SLC38A9: variants seen among roughly 807,000 people sequenced by gnomAD.
The protein encoded by SLC38A9 is solute carrier family 38 member 9.
A neutral mutation model predicts 62.3 loss-of-function variants in SLC38A9; 48 were observed. That is an observed-to-expected ratio of 0.77 (90% CI 0.61 to 0.98). The LOEUF is 0.98. Among genes scored for constraint, SLC38A9 ranks in the 50% least tolerant of loss-of-function variants. The pLI is 0.00. For synonymous variants in SLC38A9, 204 were observed against 227.7 expected, an observed-to-expected ratio of 0.90 and a Z score of 0.94; for missense variants, 541 against 679.8, an observed-to-expected ratio of 0.80 and a Z score of 2.27.
At chr5:55,663,534 G>A (rs1004898657) in intron 8 of SLC38A9, among the ~76,000 whole-genome samples, 42 of 151,898 alleles carry the variant, frequency 2.8e-4, no homozygotes, top group African/African-American at 1.0e-3. Flanking sequence ...TCAGGAGATC[G>A]AGAACAGCCT....
At chr5:55,652,750 G>C (rs1474928532) in intron 9 of SLC38A9, 27 bp from the exon 10 acceptor site, 4 of 1,557,356 alleles carry the variant, frequency 2.6e-6, no homozygotes, top group Non-Finnish European at 2.6e-6. Context: ...CCAGATTAAA[G>C]AAGATGACAA....
chr5:55,669,850 T>G lies in SLC38A9; in HGVS notation c.276A>C (p.Pro92=), dbSNP rs1314089560. The G allele has an allele frequency of 6.2e-7, 1 of 1,611,666 alleles. No homozygotes were observed. The highest frequency in any genetic ancestry group is 2.2e-5 in the East Asian group (1 of 44,874). ...LIAPDHVVPA[P]EECYVYSPLG... ...ATGGACTATACACATAGCACTCTTC[T>G]GGAGCTGGAACTACATGGTCTGGGG... The change falls in exon 5 of 16, where the codon CCA becomes CCC. Residue 92 remains proline, a synonymous_variant. Coordinates refer to ENST00000396865, the MANE Select transcript of SLC38A9 (RefSeq NM_173514.4).
intron 7 of SLC38A9, among the ~76,000 whole-genome samples, chr5:55,665,926 G>A (rs1750387434): frequency 6.6e-6 from 1 of 152,086 alleles, no homozygotes; most frequent in Non-Finnish European, 1.5e-5. Flanking sequence ...TCCCACCACT[G>A]CACCAAAAAG....
chr5:55,627,849 G>T, intron 15 of SLC38A9, 42 bp downstream of exon 15: 1 of 1,212,776 alleles, frequency 8.2e-7, no homozygotes, highest in South Asian at 1.3e-5. Context: ...TGAAAATAAA[G>T]ACCAATATAT....
At chr5:55,677,413 T>C (rs1042465493) in intron 3 of SLC38A9, among the ~76,000 whole-genome samples, 2 of 152,192 alleles carry the variant, frequency 1.3e-5, no homozygotes, top group Admixed American at 6.6e-5. Flanking sequence ...ATGACACCTC[T>C]CAAGTAATCA....
intron 2 of SLC38A9, among the ~76,000 whole-genome samples, chr5:55,710,675 G>A (rs910326584): frequency 6.6e-6 from 1 of 151,796 alleles, no homozygotes; most frequent in African/African-American, 2.4e-5. Context: ...GAGTGCGGTG[G>A]CACGATCTCA....
At chr5:55,652,409 G>C in intron 10 of SLC38A9, 120 bp downstream of exon 10, 2 of 342,294 alleles carry the variant, frequency 5.8e-6, no homozygotes, top group Non-Finnish European at 1.0e-5. Context: ...AAAAACGAAT[G>C]AACAAATTAA....
chr5:55,628,134 G>C (rs1742793542), intron 14 of SLC38A9, among the ~76,000 whole-genome samples, 154 bp from the exon 15 acceptor site: 1 of 152,094 alleles, frequency 6.6e-6, no homozygotes. Flanking sequence ...GGTAACAGTA[G>C]TCCTCAATTG....
chr5:55,690,644 G>A (rs73123613), intron 3 of SLC38A9, among the ~76,000 whole-genome samples: 6,524 of 152,162 alleles, frequency 0.043, 205 homozygotes, highest in African/African-American at 0.093. Context: ...TATAATCCCA[G>A]CTATGAAACC....
At chr5:55,701,410 G>C (rs996078158) in intron 2 of SLC38A9, among the ~76,000 whole-genome samples, 16 of 152,234 alleles carry the variant, frequency 1.1e-4, no homozygotes, top group African/African-American at 3.9e-4. Context: ...TACTTGCTCA[G>C]GCCAAAATTC....
intron 3 of SLC38A9, among the ~76,000 whole-genome samples, chr5:55,675,624 G>A (rs1052168205): frequency 6.6e-6 from 1 of 152,066 alleles, no homozygotes; most frequent in African/African-American, 2.4e-5. Context: ...CATTTGAAAT[G>A]TAGTTCAGCT....
intron 9 of SLC38A9, among the ~76,000 whole-genome samples, chr5:55,655,139 A>G (rs2150211655): frequency 6.6e-6 from 1 of 152,318 alleles, no homozygotes; most frequent in East Asian, 1.9e-4. Flanking sequence ...CATGCTCAGC[A>G]GCTAAAATTT....
intron 3 of SLC38A9, among the ~76,000 whole-genome samples, chr5:55,678,111 A>T (rs776172498): frequency 4.1e-4 from 62 of 151,236 alleles, no homozygotes; most frequent in Non-Finnish European, 8.3e-4. Context: ...CTAGACAGAA[A>T]ACCACAAAAG....
chr5:55,686,419 G>T (rs1450384363), intron 3 of SLC38A9, among the ~76,000 whole-genome samples: 1 of 89,374 alleles, frequency 1.1e-5, no homozygotes, highest in South Asian at 4.6e-4. Context: ...CTGCATATAT[G>T]TCTTCAGAAG....
intron 3 of SLC38A9, among the ~76,000 whole-genome samples, chr5:55,684,032 A>T (rs780578874): frequency 5.3e-5 from 8 of 152,122 alleles, no homozygotes; most frequent in Non-Finnish European, 1.2e-4. Flanking sequence ...ATTGTCACTG[A>T]TTTCTTAATT....
intron 11 of SLC38A9, among the ~76,000 whole-genome samples, chr5:55,647,329 G>GA (rs1015402654): frequency 2.6e-5 from 4 of 151,498 alleles, no homozygotes; most frequent in Admixed American, 6.6e-5. Flanking sequence ...CTAATAGAAA[G>GA]AAAAAAAATG....
In SLC38A9 at chr5:55,633,743, A is replaced by G. The variant is rs1743908757; in HGVS notation, c.1430+11T>C. ...TTGGCACATCCTGCTGGTCAAGAGA[A>G]GAGCCCTTACCTAGGATAAATGTCA... On this transcript the variant is annotated intron_variant, in intron 14 of 15. Coordinates refer to ENST00000396865, the MANE Select transcript of SLC38A9 (RefSeq NM_173514.4). 1 of 1,614,034 alleles carries G rather than the reference A, an allele frequency of 6.2e-7. No homozygotes were observed. Among genetic ancestry groups the G allele is most frequent in the Non-Finnish European group, 8.5e-7 (1 of 1,180,028 alleles).
intron 3 of SLC38A9, chr5:55,693,440 T>C (rs1416343547): frequency 6.6e-6 from 1 of 152,186 alleles, no homozygotes; most frequent in Non-Finnish European, 1.5e-5. Flanking sequence ...CTGTAAGAAA[T>C]TTTGATTGCT....
intron 3 of SLC38A9, chr5:55,693,048 T>C: frequency 2.1e-6 from 2 of 973,910 alleles, no homozygotes; most frequent in Non-Finnish European, 2.4e-6. Context: ...CCATCTTTCA[T>C]CTCTTGGATG....
Sources: allele counts gnomAD v4.1 joint callset (sites outside exome capture counted in the v4.1 genomes callset), GRCh38; gene constraint gnomAD v4.1.1; transcripts MANE v1.5; gene names NCBI Gene and HGNC (gene_info 2026-07-23, HGNC 2026-07-21).